The following CSMD1 variants were observed in gnomAD, a reference collection of about 807,000 sequenced individuals.
The protein encoded by CSMD1 is CUB and Sushi multiple domains 1, also known as CUB and sushi domain-containing protein 1.
CSMD1 carries 213 observed loss-of-function variants against 417.5 expected under a neutral mutation model. The ratio of observed to expected loss-of-function variants is 0.51; its 90% CI spans 0.46 to 0.57. The LOEUF (loss-of-function observed/expected upper bound fraction) is 0.57. CSMD1 is among the 20% of genes least tolerant of loss of function. CSMD1 has a pLI of 0.00. For synonymous variants in CSMD1, 2,862 were observed against 1,736.8 expected (o/e 1.65, Z -16.11); for missense variants, 6,923 against 4,529.7 (o/e 1.53, Z -15.17).
intron 27 of CSMD1, 68 bp downstream of exon 27, chr8:3,229,972 G>A (rs868655446): frequency 2.8e-5 from 30 of 1,069,386 alleles, no homozygotes; most frequent in Middle Eastern, 4.5e-4. Context: ...ATACATTTAC[G>A]GAGCGCTTTT....
intron 5 of CSMD1, among the ~76,000 whole-genome samples, chr8:3,952,785 A>G (rs1254903641): frequency 1.3e-5 from 2 of 152,220 alleles, no homozygotes; most frequent in African/African-American, 4.8e-5. Flanking sequence ...CAAAAGAAGT[A>G]CTTGATTATT....
chr8:3,839,050 AATATATAGCCTATAG>A (rs1802921126), intron 5 of CSMD1, among the ~76,000 whole-genome samples: 2 of 127,472 alleles, frequency 1.6e-5, no homozygotes, highest in Admixed American at 9.5e-5. Flanking sequence ...ATATATATAA[AATATATAGCCTATAG>A]ATATATAGCC....
intron 5 of CSMD1, among the ~76,000 whole-genome samples, chr8:3,839,402 A>G (rs1321346392): frequency 1.6e-5 from 1 of 60,688 alleles, no homozygotes; most frequent in African/African-American, 5.0e-5. Flanking sequence ...ATATATTTAT[A>G]TATAATAAAA....
intron 1 of CSMD1, among the ~76,000 whole-genome samples, chr8:4,871,143 T>C (rs923249314): frequency 6.6e-6 from 1 of 152,086 alleles, no homozygotes; most frequent in Non-Finnish European, 1.5e-5. Context: ...GTGATGAGAA[T>C]CTAGGGAAGG....
intron 8 of CSMD1, among the ~76,000 whole-genome samples, chr8:3,602,012 G>A (rs1411815464): frequency 3.3e-5 from 5 of 152,116 alleles, no homozygotes; most frequent in African/African-American, 1.2e-4. Flanking sequence ...GGAAGTTATG[G>A]CTTTATGGGT....
Position 3,799,831 on chromosome 8 carries a change from C to T in CSMD1, c.819-45789G>A, listed in dbSNP as rs577150765. Among the ~76,000 whole-genome samples, 14 of 152,212 alleles carry T rather than the reference C, an allele frequency of 9.2e-5. 1 individual carries two copies. In the South Asian group the frequency reaches 1.9e-3, roughly 20 times the overall value. ...ATTACAAATCTCTAATCTAAATGGA[C>T]ATGAGGCTAGGTTTTGGAAGATCAC... is the stretch of plus-strand genomic sequence containing the variant. On this transcript the variant is annotated intron_variant, in intron 5 of 69. Transcript: ENST00000635120.
chr8:3,345,748 T>C (rs943935794), intron 22 of CSMD1, among the ~76,000 whole-genome samples: 1 of 152,218 alleles, frequency 6.6e-6, no homozygotes, highest in Non-Finnish European at 1.5e-5. Context: ...GGGATGTTGC[T>C]GGGTTAGCTG....
chr8:3,873,151 C>G, intron 5 of CSMD1, among the ~76,000 whole-genome samples: 1 of 151,992 alleles, frequency 6.6e-6, no homozygotes, highest in East Asian at 1.9e-4. Flanking sequence ...ATGATGATTC[C>G]TCAAAGACCT....
intron 10 of CSMD1, among the ~76,000 whole-genome samples, chr8:3,556,214 A>T (rs1799133753): frequency 6.6e-6 from 1 of 151,706 alleles, no homozygotes; most frequent in Non-Finnish European, 1.5e-5. Context: ...TTTGTTTGTT[A>T]CAGTAGAATT....
intron 5 of CSMD1, among the ~76,000 whole-genome samples, chr8:3,961,643 T>A (rs962559058): frequency 6.6e-6 from 1 of 152,182 alleles, no homozygotes; most frequent in Non-Finnish European, 1.5e-5. Flanking sequence ...TTATGTAACA[T>A]TCTTGATAAT....
chr8:4,340,394 G>A (rs942976861), intron 3 of CSMD1, among the ~76,000 whole-genome samples: 2 of 152,028 alleles, frequency 1.3e-5, no homozygotes, highest in South Asian at 2.1e-4. Flanking sequence ...CTCTTGACAT[G>A]AGTTTGCTTT....
chr8:4,397,354 G>C (rs1804310569), intron 3 of CSMD1, among the ~76,000 whole-genome samples: 1 of 152,014 alleles, frequency 6.6e-6, no homozygotes, highest in African/African-American at 2.4e-5. Context: ...CCATGAAAGA[G>C]GAAGTCGAAA....
chr8:3,063,197 A>G (rs1323865816), intron 49 of CSMD1, among the ~76,000 whole-genome samples: 1 of 152,204 alleles, frequency 6.6e-6, no homozygotes, highest in African/African-American at 2.4e-5. Flanking sequence ...ATCCTCCCTG[A>G]TAAGTGGGCT....
intron 3 of CSMD1, among the ~76,000 whole-genome samples, chr8:4,365,116 T>G (rs1399964693): frequency 6.6e-6 from 1 of 152,192 alleles, no homozygotes; most frequent in African/African-American, 2.4e-5. Flanking sequence ...ACTTTAAGTG[T>G]GTAGACATAT....
rs892438321 is a variant in CSMD1, at chr8:3,780,837, C to T, written c.819-26795G>A. ...GTGCTTTGCCATAGAACAATTTCCT[C>T]AATAATTTTCTCTGCTTATTGGATA... On this transcript the variant is annotated intron_variant, in intron 5 of 69. Transcript: ENST00000635120. Among the ~76,000 whole-genome samples the T allele has an allele frequency of 2.6e-5, 4 of 152,276 alleles. No homozygotes were observed. In the South Asian group the frequency reaches 8.3e-4, roughly 32 times the overall value.
chr8:3,100,497 T>C (rs28657888), intron 46 of CSMD1, among the ~76,000 whole-genome samples: 117,035 of 152,178 alleles, frequency 0.77, 45,356 homozygotes, highest in East Asian at 0.96. Context: ...GTCCTATAGC[T>C]GAGATGTTTA....
At chr8:3,236,896 T>C (rs1799185006) in intron 26 of CSMD1, among the ~76,000 whole-genome samples, 1 of 152,050 alleles carries the variant, frequency 6.6e-6, no homozygotes, top group Non-Finnish European at 1.5e-5. Context: ...TTTTCCAGTT[T>C]CCCACAGGCG....
At chr8:3,341,928 A>T (rs1807683481) in intron 23 of CSMD1, among the ~76,000 whole-genome samples, 2 of 152,190 alleles carry the variant, frequency 1.3e-5, no homozygotes, top group African/African-American at 4.8e-5. Flanking sequence ...TGGAAAAAAC[A>T]ATCACAATAG....
chr8:3,304,251 T>C (rs1248741918), intron 25 of CSMD1, among the ~76,000 whole-genome samples: 1 of 152,164 alleles, frequency 6.6e-6, no homozygotes, highest in Non-Finnish European at 1.5e-5. Context: ...ACTGATGTAT[T>C]TCTCATTTTC....
Sources: gnomAD v4.1 joint callset for allele counts (sites outside exome capture counted in the v4.1 genomes callset) on GRCh38, gnomAD v4.1.1 for gene constraint, MANE v1.5 for transcripts, NCBI Gene and HGNC (gene_info 2026-07-23, HGNC 2026-07-21) for gene names.